TRERF1: variants seen among roughly 807,000 people sequenced by gnomAD.
TRERF1 encodes transcriptional regulating factor 1, also known as transcriptional-regulating factor 1.
Under a neutral mutation model 122.9 loss-of-function variants are expected in TRERF1, and 27 were observed. The observed-to-expected ratio is 0.22, with a 90% CI of 0.16 to 0.30. The LOEUF is 0.30. Ranked by LOEUF, TRERF1 falls within the 10% of genes least tolerant of loss-of-function variation. TRERF1 has a pLI of 1.00. For synonymous variants in TRERF1, 636 were observed against 641.7 expected, an observed-to-expected ratio of 0.99 and a Z score of 0.13; for missense variants, 1,248 against 1,560.3, an observed-to-expected ratio of 0.80 and a Z score of 3.37.
intron 2 of TRERF1, among the ~76,000 whole-genome samples, chr6:42,389,441 G>C (rs1046870147): frequency 7.9e-5 from 12 of 152,202 alleles, no homozygotes; most frequent in African/African-American, 2.9e-4. Flanking sequence ...CTAAGAGGCA[G>C]GACACTGCTC....
At chr6:42,354,590 AT>A (rs771816355) in intron 3 of TRERF1, among the ~76,000 whole-genome samples, 34 of 152,190 alleles carry the variant, frequency 2.2e-4, no homozygotes, top group Non-Finnish European at 4.3e-4. Flanking sequence ...TTAATGAGGC[AT>A]CAGAATTATT....
intron 2 of TRERF1, among the ~76,000 whole-genome samples, chr6:42,370,028 C>T (rs771304785): frequency 1.2e-3 from 180 of 152,172 alleles, no homozygotes; most frequent in Non-Finnish European, 2.0e-3. Context: ...ATTCCACACA[C>T]ATTATCCCTT....
At chr6:42,343,140 A>C (rs1373033077) in intron 3 of TRERF1, among the ~76,000 whole-genome samples, 1 of 152,202 alleles carries the variant, frequency 6.6e-6, no homozygotes, top group East Asian at 1.9e-4. Context: ...TGGGCCTCCC[A>C]GGAGCTTACA....
At chr6:42,282,659 A>G (rs1436342248) in intron 4 of TRERF1, among the ~76,000 whole-genome samples, 1 of 152,252 alleles carries the variant, frequency 6.6e-6, no homozygotes, top group Admixed American at 6.5e-5. Flanking sequence ...GTGAAAAAGA[A>G]AGATGCAGAA....
chr6:42,268,159 G>T lies in TRERF1; in HGVS notation c.1432C>A (p.Pro478Thr). The stretch of plus-strand genomic sequence containing the variant: ...AACTTCCAATGGGAGAATACCTGGG[G>T]CCACATGGCACTGGGAGACAGCTGC... The change falls in exon 5 of 18, where the codon CCC (proline) becomes ACC (threonine). Residue 478 changes from proline to threonine, a missense_variant. Around this residue, in one of 5 missense-constraint regions of TRERF1, gnomAD observed 946 missense variants for 1,073.0 expected, o/e 0.88. Transcript: ENST00000372922. The surrounding 1 kb of genome is among the most constrained non-coding windows in gnomAD (Gnocchi z 4.4). 6.9e-7 allele frequency: 1 copy of T among 1,449,030 alleles called. No homozygotes were observed. Among genetic ancestry groups the T allele is most frequent in the Non-Finnish European group, 9.1e-7 (1 of 1,099,134 alleles). The allele number at this position is 1,449,030 out of a possible 1,614,324, so 89.8% of individuals were successfully genotyped here. A position where few individuals can be genotyped will look rare whatever the true frequency, so the allele number is the denominator to read the frequency against.
intron 3 of TRERF1, among the ~76,000 whole-genome samples, chr6:42,350,937 A>T (rs898056967): frequency 2.6e-5 from 4 of 152,074 alleles, no homozygotes; most frequent in African/African-American, 9.7e-5. Context: ...GCAAAATAAA[A>T]ATGAGAAAAG....
chr6:42,325,511 C>T (rs1315124090), intron 3 of TRERF1, among the ~76,000 whole-genome samples: 3 of 152,116 alleles, frequency 2.0e-5, no homozygotes, highest in Admixed American at 2.0e-4. Flanking sequence ...AACTAGATGC[C>T]CATTAACAGT....
chr6:42,436,806 A>AT (rs1332198111), intron 2 of TRERF1, among the ~76,000 whole-genome samples: 4 of 96,162 alleles, frequency 4.2e-5, no homozygotes, highest in African/African-American at 1.2e-4. Context: ...TCTACAAAAA[A>AT]AAAAAAAAAT....
chr6:42,245,699 T>C (rs1328589028), intron 14 of TRERF1, among the ~76,000 whole-genome samples: 1 of 152,252 alleles, frequency 6.6e-6, no homozygotes, highest in African/African-American at 2.4e-5. Flanking sequence ...ATTATTACTG[T>C]CATTAAAAAT....
chr6:42,313,996 A>G (rs1762095519), intron 3 of TRERF1, among the ~76,000 whole-genome samples: 1 of 152,124 alleles, frequency 6.6e-6, no homozygotes. Context: ...GAGATGAGAA[A>G]TAAACAAGAT....
At position 42,249,800 on chromosome 6, in the gene TRERF1, C is replaced by A. The variant is rs186796991; in HGVS notation, c.2657-3256G>T. Among the ~76,000 whole-genome samples, 497 of 152,240 alleles carry A rather than the reference C, an allele frequency of 3.3e-3. 3 individuals are homozygous for A. Among genetic ancestry groups the A allele is most frequent in the Non-Finnish European group, 5.1e-3 (346 of 68,014 alleles). On this transcript the variant is annotated intron_variant, in intron 13 of 17. Coordinates refer to ENST00000372922, the Ensembl canonical transcript of TRERF1. The stretch of plus-strand genomic sequence containing the variant: ...TGCAAATGATAGTGCTCTGTGTGTG[C>A]ATGTGTTAGTGTCTGCTCAACAGGG...
intron 2 of TRERF1, among the ~76,000 whole-genome samples, chr6:42,369,485 A>C (rs1160907901): frequency 1.3e-5 from 2 of 152,086 alleles, no homozygotes; most frequent in African/African-American, 4.8e-5. Flanking sequence ...AGGAGTCCAA[A>C]ACTGCATAGT....
rs543526348 is a variant in TRERF1, at chr6:42,329,495, C to T, written c.-370-28746G>A. ...CAACCTCCCACCCTCCAGCTGCCAC[C>T]GTGCCTAAGCAACCCCCAGAAGAAT... On this transcript the variant is annotated intron_variant, in intron 3 of 17. Coordinates refer to ENST00000372922, the Ensembl canonical transcript of TRERF1. Among the ~76,000 whole-genome samples, 116 of 152,256 alleles carry T rather than the reference C, an allele frequency of 7.6e-4. No individual in the cohort carries two copies. The Middle Eastern group carries it at 0.014, about 18-fold the overall frequency.
chr6:42,442,282 C>A (rs1032775077), intron 2 of TRERF1, among the ~76,000 whole-genome samples: 5 of 151,846 alleles, frequency 3.3e-5, no homozygotes, highest in Non-Finnish European at 5.9e-5. Flanking sequence ...AAAAAAAAAT[C>A]TTTCAAAGGA....
rs1389085254 is a variant in TRERF1, at chr6:42,256,935, C to T, written c.2476+28G>A. ...TCTCAGTGAGAGAATCAAACCTCTC[C>T]CACCCAGCTCTTCCCATATGCCAAT... On this transcript the variant is annotated intron_variant, in intron 11 of 17. Coordinates refer to ENST00000372922, the Ensembl canonical transcript of TRERF1. 1.9e-6 allele frequency: 3 copies of T among 1,613,614 alleles called. No individual in the cohort carries two copies. The African/African-American group carries it at 4.0e-5, about 22-fold the overall frequency.
intron 1 of TRERF1, 63 bp from the exon 2 acceptor site, chr6:42,451,324 T>A (rs1468383508): frequency 6.6e-6 from 1 of 152,340 alleles, no homozygotes; most frequent in African/African-American, 2.4e-5. Context: ...ACTCACTTAC[T>A]GTACTGCCCT....
At chr6:42,387,352 G>T (rs1033055354) in intron 2 of TRERF1, among the ~76,000 whole-genome samples, 3 of 152,206 alleles carry the variant, frequency 2.0e-5, no homozygotes, top group Admixed American at 2.0e-4. Flanking sequence ...CTGCCTAAGG[G>T]CCGAGAAGCT....
chr6:42,323,993 T>C (rs1763887994), intron 3 of TRERF1, among the ~76,000 whole-genome samples: 1 of 152,160 alleles, frequency 6.6e-6, no homozygotes, highest in African/African-American at 2.4e-5. Flanking sequence ...AACAGGGACA[T>C]TACATGGATG....
chr6:42,287,409 G>A (rs1173027243), intron 4 of TRERF1, among the ~76,000 whole-genome samples: 1 of 152,066 alleles, frequency 6.6e-6, no homozygotes, highest in Non-Finnish European at 1.5e-5. Context: ...TCCCTCGACT[G>A]TTTAGAGACG....
Sources: gnomAD v4.1 joint callset for allele counts (sites outside exome capture counted in the v4.1 genomes callset) on GRCh38, gnomAD v4.1.1 for gene constraint, gnomAD v4.1.1 regional missense constraint, Gnocchi (gnomAD v3.1) non-coding constraint, MANE v1.5 for transcripts, NCBI Gene and HGNC (gene_info 2026-07-23, HGNC 2026-07-21) for gene names.